Variants in TTC13 observed in about 807,000 individuals in gnomAD.
The protein encoded by TTC13 is tetratricopeptide repeat protein 13.
In TTC13, 62 loss-of-function variants were observed where a neutral mutation model predicts 120.0. The ratio of observed to expected loss-of-function variants is 0.52; its 90% CI spans 0.42 to 0.64. The LOEUF (loss-of-function observed/expected upper bound fraction) is 0.64. Ranked by LOEUF, TTC13 falls within the 30% of genes least tolerant of loss-of-function variation. TTC13 has a pLI of 0.00. For synonymous variants in TTC13, 384 were observed against 393.5 expected (o/e 0.98, Z 0.28); for missense variants, 824 against 1,050.2 (o/e 0.78, Z 2.98).
intron 12 of TTC13, among the ~76,000 whole-genome samples, chr1:230,928,175 G>A (rs919834353): frequency 2.0e-5 from 3 of 152,106 alleles, no homozygotes; most frequent in Admixed American, 2.0e-4. Flanking sequence ...AAAAAAACTT[G>A]GGATTTTGAA....
chr1:230,956,928 AT>A (rs1220523822), intron 3 of TTC13, among the ~76,000 whole-genome samples: 1 of 152,102 alleles, frequency 6.6e-6, no homozygotes, highest in East Asian at 1.9e-4. Flanking sequence ...CACAGATGTC[AT>A]TTTTTTCAAG....
At chr1:230,964,678 G>A (rs550570336) in intron 1 of TTC13, among the ~76,000 whole-genome samples, 2 of 152,138 alleles carry the variant, frequency 1.3e-5, no homozygotes, top group Non-Finnish European at 2.9e-5. Context: ...ATACATTATA[G>A]ACATTAGGAT....
At chr1:230,968,478 T>C (rs975757253) in intron 1 of TTC13, among the ~76,000 whole-genome samples, 11 of 152,212 alleles carry the variant, frequency 7.2e-5, no homozygotes, top group Middle Eastern at 3.4e-3. Flanking sequence ...TTTATTCCCT[T>C]TCTTCTTAGC....
intron 13 of TTC13, 110 bp downstream of exon 13, chr1:230,925,407 G>T (rs1175763541): frequency 3.2e-6 from 4 of 1,232,766 alleles, no homozygotes; most frequent in Middle Eastern, 3.9e-4. Flanking sequence ...ATCACATGGA[G>T]AATTTGAATA....
chr1:230,933,922 A>G, intron 8 of TTC13, 61 bp from the exon 9 acceptor site: 3 of 1,113,428 alleles, frequency 2.7e-6, no homozygotes, highest in Non-Finnish European at 3.9e-6. Context: ...AGATTCACTT[A>G]AATCATAAAA....
At chr1:230,947,607 G>A (rs1035930256) in intron 4 of TTC13, among the ~76,000 whole-genome samples, 2 of 152,122 alleles carry the variant, frequency 1.3e-5, no homozygotes, top group Non-Finnish European at 2.9e-5. Context: ...TTACAAAGCT[G>A]TGTTGAGCCA....
Position 230,972,850 on chromosome 1 carries a change from T to C in TTC13, c.271+5710A>G, listed in dbSNP as rs964267314. Among the ~76,000 whole-genome samples the C allele has an allele frequency of 1.5e-4, 23 of 152,322 alleles. No homozygotes were observed. In the East Asian group the frequency reaches 3.5e-3, roughly 23 times the overall value. ...TCGTCATAGGGCTTATGCTATAAAA[T>C]GCTACTTCTAAACCAGAGGATTTGC... On this transcript the variant is annotated intron_variant, in intron 1 of 22. Transcript: ENST00000366661.
chr1:230,967,975 A>G (rs573980469), intron 1 of TTC13, among the ~76,000 whole-genome samples: 4 of 152,274 alleles, frequency 2.6e-5, no homozygotes, highest in African/African-American at 9.6e-5. Context: ...TCATCTCTGG[A>G]CATTTCTTCA....
At chr1:230,967,403 A>T (rs1677229644) in intron 1 of TTC13, among the ~76,000 whole-genome samples, 1 of 149,500 alleles carries the variant, frequency 6.7e-6, no homozygotes. Flanking sequence ...TTCCTATTCT[A>T]TTTTTTTTTT....
chr1:230,972,569 T>C (rs750506691), intron 1 of TTC13, among the ~76,000 whole-genome samples: 1 of 152,204 alleles, frequency 6.6e-6, no homozygotes, highest in East Asian at 1.9e-4. Flanking sequence ...CAAGTATATA[T>C]TGAGTGCAGT....
chr1:230,930,241 T>G (rs1027918120), intron 11 of TTC13, among the ~76,000 whole-genome samples: 1 of 152,240 alleles, frequency 6.6e-6, no homozygotes, highest in African/African-American at 2.4e-5. Context: ...ATCTAATGAA[T>G]AGCAGCTTCA....
intron 4 of TTC13, among the ~76,000 whole-genome samples, chr1:230,946,713 G>A (rs977960561): frequency 6.6e-6 from 1 of 152,144 alleles, no homozygotes; most frequent in African/African-American, 2.4e-5. Flanking sequence ...CTCTATAGAT[G>A]AGAGGTACAA....
At chr1:230,956,759 AAAG>A (rs1354151160) in intron 3 of TTC13, among the ~76,000 whole-genome samples, 1 of 152,224 alleles carries the variant, frequency 6.6e-6, no homozygotes, top group Non-Finnish European at 1.5e-5. Context: ...TCCATTCATA[AAAG>A]AATAATCATA....
intron 1 of TTC13, among the ~76,000 whole-genome samples, chr1:230,971,035 A>G (rs1002618105): frequency 2.9e-4 from 44 of 152,100 alleles, no homozygotes; most frequent in African/African-American, 9.4e-4. Context: ...GCTTTTATCA[A>G]TTTCTGCACT....
At chr1:230,971,785 G>A (rs1677780253) in intron 1 of TTC13, among the ~76,000 whole-genome samples, 1 of 152,164 alleles carries the variant, frequency 6.6e-6, no homozygotes. Flanking sequence ...AAATTACATG[G>A]AACAGAACAG....
intron 12 of TTC13, among the ~76,000 whole-genome samples, chr1:230,926,679 A>G (rs192345230): frequency 2.6e-5 from 4 of 152,338 alleles, no homozygotes; most frequent in Non-Finnish European, 5.9e-5. Flanking sequence ...TCTTTTGTGC[A>G]TCGAAATATT....
intron 8 of TTC13, among the ~76,000 whole-genome samples, chr1:230,935,782 A>T (rs530736854): frequency 6.6e-6 from 1 of 152,314 alleles, no homozygotes; most frequent in East Asian, 1.9e-4. Context: ...AAGGGAATGG[A>T]GACAGGGAGC....
intron 8 of TTC13, among the ~76,000 whole-genome samples, chr1:230,935,629 G>A (rs1400692050): frequency 6.6e-6 from 1 of 152,142 alleles, no homozygotes; most frequent in African/African-American, 2.4e-5. Context: ...AACGTGGGAA[G>A]CTGGGCCAGG....
intron 16 of TTC13, 101 bp from the exon 17 acceptor site, chr1:230,920,695 G>T: frequency 1.5e-6 from 1 of 668,602 alleles, no homozygotes. Flanking sequence ...CCTCAATTTT[G>T]AGTAGCTAAA....
Sources: gnomAD v4.1 joint callset for allele counts (sites outside exome capture counted in the v4.1 genomes callset) on GRCh38, gnomAD v4.1.1 for gene constraint, MANE v1.5 for transcripts, NCBI Gene and HGNC (gene_info 2026-07-23, HGNC 2026-07-21) for gene names.